SNTG1: variants seen among roughly 807,000 people sequenced by gnomAD.
The protein encoded by SNTG1 is syntrophin gamma 1.
A neutral mutation model predicts 74.7 loss-of-function variants in SNTG1; 39 were observed. The observed-to-expected ratio is 0.52, with a 90% CI of 0.40 to 0.68. The LOEUF (loss-of-function observed/expected upper bound fraction) is 0.68, where lower values mean the gene tolerates loss of function less well. Among genes scored for constraint, SNTG1 ranks in the 30% least tolerant of loss-of-function variants. The pLI, the probability that SNTG1 is intolerant of heterozygous loss-of-function variation, is 0.00. For synonymous variants in SNTG1, 254 were observed against 217.1 expected (o/e 1.17, Z -1.49); for missense variants, 685 against 609.5 (o/e 1.12, Z -1.30).
chr8:50,134,477 G>A (rs2081408110), intron 1 of SNTG1, among the ~76,000 whole-genome samples: 1 of 152,146 alleles, frequency 6.6e-6, no homozygotes, highest in African/African-American at 2.4e-5. Context: ...ACTGACATAA[G>A]TACACTGGAT....
intron 1 of SNTG1, among the ~76,000 whole-genome samples, chr8:50,023,921 G>A (rs1817042416): frequency 6.6e-6 from 1 of 152,128 alleles, no homozygotes; most frequent in Non-Finnish European, 1.5e-5. Flanking sequence ...ATTGTTGTGA[G>A]TCCATAGGGT....
chr8:50,076,865 G>T (rs972299201), intron 1 of SNTG1, among the ~76,000 whole-genome samples: 4 of 152,072 alleles, frequency 2.6e-5, no homozygotes, highest in South Asian at 2.1e-4. Context: ...TTATTTTAGT[G>T]TGTTTTTAAA....
intron 1 of SNTG1, among the ~76,000 whole-genome samples, chr8:50,064,036 T>C (rs1820696672): frequency 6.6e-6 from 1 of 152,318 alleles, no homozygotes; most frequent in African/African-American, 2.4e-5. Context: ...GTCATGACTC[T>C]GTCTTCTCAT....
At chr8:50,357,292 G>A (rs1003156828) in intron 2 of SNTG1, among the ~76,000 whole-genome samples, 1 of 152,210 alleles carries the variant, frequency 6.6e-6, no homozygotes, top group Non-Finnish European at 1.5e-5. Context: ...TATTCCCACA[G>A]TGGGGACTAT....
intron 2 of SNTG1, among the ~76,000 whole-genome samples, chr8:50,306,943 T>A (rs980747284): frequency 1.3e-5 from 2 of 152,070 alleles, no homozygotes; most frequent in African/African-American, 4.8e-5. Flanking sequence ...TAAAATTATA[T>A]CTGTTTTTAA....
intron 2 of SNTG1, among the ~76,000 whole-genome samples, chr8:50,183,322 G>C (rs1378234503): frequency 6.6e-6 from 1 of 152,094 alleles, no homozygotes; most frequent in Non-Finnish European, 1.5e-5. Flanking sequence ...GTGCTATGCT[G>C]CTTCCCTCTC....
intron 18 of SNTG1, chr8:50,762,504 TGAGATAAGC>T: frequency 2.8e-6 from 1 of 362,740 alleles, no homozygotes; most frequent in Admixed American, 3.0e-5. Flanking sequence ...GTAGCTTTTT[TGAGATAAGC>T]TATCAAGTCT....
intron 2 of SNTG1, among the ~76,000 whole-genome samples, chr8:50,173,221 C>G (rs2082873061): frequency 6.6e-6 from 1 of 152,124 alleles, no homozygotes; most frequent in South Asian, 2.1e-4. Flanking sequence ...ATGGGTGATG[C>G]AGGTGGATCA....
chr8:50,196,592 T>C (rs1433805478), intron 2 of SNTG1, among the ~76,000 whole-genome samples: 1 of 152,032 alleles, frequency 6.6e-6, no homozygotes. Context: ...GTACTCTTCA[T>C]AGAAGAGCAA....
chr8:49,987,529 C>A (rs55817447), intron 1 of SNTG1, among the ~76,000 whole-genome samples: 1,565 of 152,112 alleles, frequency 0.01, 5 homozygotes, highest in Non-Finnish European at 0.015. Context: ...ACAATTTATG[C>A]CCAGAGCATT....
intron 5 of SNTG1, among the ~76,000 whole-genome samples, chr8:50,446,115 ATGGAAGCCTATCACC>A (rs2093404707): frequency 6.6e-6 from 1 of 152,136 alleles, no homozygotes; most frequent in South Asian, 2.1e-4. Flanking sequence ...TTCAACTGTC[ATGGAAGCCTATCACC>A]TGTTTTAAAC....
chr8:49,911,563 A>AG lies in SNTG1; in HGVS notation c.-770dup. ...CAATTAGCCCCTACAAAAAAAAAAA[A>AG]GAAAGAAAAAAGAAAAAAAAAAGAA... On this transcript the variant is annotated 5_prime_UTR_variant, in exon 1 of 19. Transcript: ENST00000642720. The AG allele has an allele frequency of 7.8e-6, 1 of 128,318 alleles. No individual in the cohort carries two copies. Among genetic ancestry groups the AG allele is most frequent in the East Asian group, 2.9e-4 (1 of 3,434 alleles). 7.9% of individuals were successfully genotyped at this position (128,318 alleles called of 1,614,324 possible). A position where few individuals can be genotyped will look rare whatever the true frequency, so the allele number is the denominator to read the frequency against.
At chr8:50,407,612 G>T (rs1388460709) in intron 4 of SNTG1, among the ~76,000 whole-genome samples, 1 of 152,208 alleles carries the variant, frequency 6.6e-6, no homozygotes, top group Non-Finnish European at 1.5e-5. Flanking sequence ...GACCTGCCTT[G>T]CTCAGGCTGA....
At chr8:50,360,672 TA>T (rs2091931883) in intron 2 of SNTG1, among the ~76,000 whole-genome samples, 1 of 152,168 alleles carries the variant, frequency 6.6e-6, no homozygotes, top group African/African-American at 2.4e-5. Context: ...ATTACTATAT[TA>T]AAACTTGCAG....
At chr8:50,040,176 G>T (rs1258893578) in intron 1 of SNTG1, among the ~76,000 whole-genome samples, 1 of 152,140 alleles carries the variant, frequency 6.6e-6, no homozygotes, top group Non-Finnish European at 1.5e-5. Context: ...GCGGTCGCTG[G>T]TTGTTGGCAC....
intron 2 of SNTG1, among the ~76,000 whole-genome samples, chr8:50,351,161 G>C (rs888843586): frequency 1.3e-5 from 2 of 152,170 alleles, no homozygotes; most frequent in Non-Finnish European, 2.9e-5. Flanking sequence ...TCTTATTAAG[G>C]ATGCCTGTGT....
chr8:49,931,143 T>C (rs1259431671), intron 1 of SNTG1, among the ~76,000 whole-genome samples: 2 of 152,158 alleles, frequency 1.3e-5, no homozygotes, highest in Non-Finnish European at 2.9e-5. Flanking sequence ...TAAAAACAGA[T>C]AGACCAAACA....
intron 13 of SNTG1, among the ~76,000 whole-genome samples, chr8:50,591,707 C>T (rs1413406272): frequency 6.6e-6 from 1 of 152,178 alleles, no homozygotes; most frequent in Non-Finnish European, 1.5e-5. Context: ...AATGATGCTG[C>T]TAGCCCAAAT....
chr8:50,651,809 C>T lies in SNTG1; in HGVS notation c.850-5100C>T, dbSNP rs542896351. Among the ~76,000 whole-genome samples, 599 of 147,422 alleles carry T rather than the reference C, an allele frequency of 4.1e-3. 1 individual carries two copies. The highest frequency in any genetic ancestry group is 6.9e-3 in the Non-Finnish European group (455 of 66,404). On this transcript the variant is annotated intron_variant, in intron 13 of 18. Coordinates refer to ENST00000642720, the MANE Select transcript of SNTG1 (RefSeq NM_018967.5). Reference sequence around the variant, plus strand: ...TATTTATTTTTTTGAGACAGAGTTTCGCTCTTGTTGCCCAGGCTGGAGTGC... The same window carrying T: ...TATTTATTTTTTTGAGACAGAGTTTTGCTCTTGTTGCCCAGGCTGGAGTGC...
Sources: gnomAD v4.1 joint callset for allele counts (sites outside exome capture counted in the v4.1 genomes callset) on GRCh38, gnomAD v4.1.1 for gene constraint, MANE v1.5 for transcripts, NCBI Gene and HGNC (gene_info 2026-07-23, HGNC 2026-07-21) for gene names.